PHGDH: variants seen among roughly 807,000 people sequenced by gnomAD.
The protein encoded by PHGDH is D-3-phosphoglycerate dehydrogenase.
PHGDH carries 50 observed loss-of-function variants against 52.6 expected under a neutral mutation model. That is an observed-to-expected ratio of 0.95 (90% confidence interval 0.76 to 1.20). PHGDH has a LOEUF of 1.20. Ranked by LOEUF, PHGDH falls within the 50% of genes most tolerant of loss-of-function variation. The pLI, the probability that PHGDH is intolerant of heterozygous loss-of-function variation, is 0.00. For missense variants in PHGDH, 630 were observed against 684.6 expected (o/e 0.92, Z 0.89); for synonymous variants, 271 against 280.5 (o/e 0.97, Z 0.34).
intron 1 of PHGDH, chr1:119,720,187 C>T (rs1314241694): frequency 2.6e-5 from 4 of 152,162 alleles, no homozygotes; most frequent in African/African-American, 9.7e-5. Flanking sequence ...TCTGGGTGAG[C>T]ATAAGGAAGA....
chr1:119,734,818 A>G, intron 6 of PHGDH, 52 bp downstream of exon 6: 1 of 1,598,148 alleles, frequency 6.3e-7, no homozygotes, highest in South Asian at 1.1e-5. Context: ...AGACCAGTTA[A>G]CAAATGGGCC....
At chr1:119,722,309 T>C (rs1181897549) in intron 2 of PHGDH, among the ~76,000 whole-genome samples, 2 of 152,126 alleles carry the variant, frequency 1.3e-5, no homozygotes, top group Non-Finnish European at 2.9e-5. Context: ...ATCTCTTGAC[T>C]TTTTCTTCTT....
chr1:119,733,353 T>A (rs953983414), intron 5 of PHGDH, among the ~76,000 whole-genome samples: 1 of 151,858 alleles, frequency 6.6e-6, no homozygotes, highest in Non-Finnish European at 1.5e-5. Context: ...TATTTTTTTT[T>A]TTTTTTCTGA....
chr1:119,743,013 C>A lies in PHGDH; in HGVS notation c.1416C>A (p.Thr472=). 1 of 1,613,208 alleles carries A rather than the reference C, an allele frequency of 6.2e-7. No homozygotes were observed. The highest frequency in any genetic ancestry group is 8.5e-7 in the Non-Finnish European group (1 of 1,179,082). ...DLPLLLFRTQ[T]SDPAMLPTMI... ...CCCTGCTCCTATTCCGGACTCAGAC[C>A]TCTGACCCTGCAATGCTGCCTACCA... The change falls in exon 11 of 12, where the codon ACC becomes ACA. Residue 472 remains threonine, a synonymous_variant. Transcript: ENST00000641023.
intron 10 of PHGDH, chr1:119,742,365 T>C (rs517237): frequency 0.43 from 153,249 of 355,814 alleles, 35,365 homozygotes; most frequent in East Asian, 0.57. Context: ...TCAAAGCCTG[T>C]TGCTCAGCCA....
chr1:119,743,155 C>A, intron 11 of PHGDH, 111 bp downstream of exon 11: 1 of 799,112 alleles, frequency 1.3e-6, no homozygotes. Context: ...CCCAGGGTGT[C>A]TCTGGATCTG....
At chr1:119,734,974 T>A in intron 6 of PHGDH, 1 of 648,050 alleles carries the variant, frequency 1.5e-6, no homozygotes. Context: ...CTAGGTAAGC[T>A]GGGCACAGGG....
Position 119,741,882 on chromosome 1 carries a change from A to G in PHGDH, c.1194A>G (p.Lys398=), listed in dbSNP as rs747965439. The change falls in exon 10 of 12, where the codon AAA becomes AAG. Residue 398 remains lysine, a synonymous_variant. Coordinates refer to ENST00000641023, the MANE Select transcript of PHGDH (RefSeq NM_006623.4). ...VNLVNAKLLV[K]EAGLNVTTSH... is the part of the protein sequence containing the mutation. ...TGGTGAACGCTAAGCTGCTGGTGAA[A>G]GAGGCTGGCCTCAATGTGCGCCCCT... 3.4e-5 allele frequency: 55 copies of G among 1,613,932 alleles called. No homozygotes were observed. Among genetic ancestry groups the G allele is most frequent in the Non-Finnish European group, 4.3e-5 (51 of 1,179,910 alleles).
intron 1 of PHGDH, among the ~76,000 whole-genome samples, chr1:119,718,545 C>CA (rs2101149463): frequency 6.6e-6 from 1 of 152,332 alleles, no homozygotes; most frequent in East Asian, 1.9e-4. Flanking sequence ...GTTACAGTCT[C>CA]AGAGTTAGCC....
intron 1 of PHGDH, chr1:119,719,489 G>T (rs41276626): frequency 6.6e-6 from 1 of 152,094 alleles, no homozygotes; most frequent in Non-Finnish European, 1.5e-5. Context: ...CTTCCAGGCC[G>T]CCTGCATGTT....
intron 3 of PHGDH, among the ~76,000 whole-genome samples, chr1:119,725,557 T>C (rs1490487235): frequency 3.3e-5 from 5 of 152,210 alleles, no homozygotes; most frequent in Non-Finnish European, 1.5e-5. Flanking sequence ...TTGTCCCCCA[T>C]GTGGCTTGGT....
At chr1:119,736,905 G>C (rs952290292) in intron 7 of PHGDH, among the ~76,000 whole-genome samples, 5 of 152,246 alleles carry the variant, frequency 3.3e-5, no homozygotes, top group African/African-American at 1.2e-4. Context: ...TTTGAATCTG[G>C]TTCACACTTT....
chr1:119,742,024 AG>A (rs1240781756), intron 10 of PHGDH, 127 bp downstream of exon 10: 3 of 794,930 alleles, frequency 3.8e-6, no homozygotes, highest in Non-Finnish European at 6.4e-6. Flanking sequence ...TCTACCTGTG[AG>A]GGGTAGCTGC....
intron 5 of PHGDH, among the ~76,000 whole-genome samples, chr1:119,728,885 A>G (rs988376269): frequency 1.3e-5 from 2 of 152,206 alleles, no homozygotes; most frequent in African/African-American, 4.8e-5. Context: ...GCTGCTATGG[A>G]ACTCTCCCTT....
chr1:119,723,327 G>A (rs768990669), intron 2 of PHGDH, 49 bp from the exon 3 acceptor site: 11 of 1,403,970 alleles, frequency 7.8e-6, no homozygotes, highest in Admixed American at 3.3e-5. Flanking sequence ...GAAGGAGTGG[G>A]AATACTGGGT....
intron 9 of PHGDH, 39 bp from the exon 10 acceptor site, chr1:119,741,728 A>G: frequency 6.2e-7 from 1 of 1,605,878 alleles, no homozygotes; most frequent in South Asian, 1.1e-5. Context: ...GTAGTGCTCA[A>G]CAAACAGTGA....
intron 6 of PHGDH, 45 bp downstream of exon 6, chr1:119,734,811 C>G: frequency 6.2e-7 from 1 of 1,608,206 alleles, no homozygotes; most frequent in Non-Finnish European, 8.5e-7. Flanking sequence ...AAGCCACAGA[C>G]CAGTTAACAA....
chr1:119,743,093 G>A, intron 11 of PHGDH, 49 bp downstream of exon 11: 1 of 1,207,122 alleles, frequency 8.3e-7, no homozygotes, highest in Non-Finnish European at 1.2e-6. Context: ...GCTGGGGTGG[G>A]GTCTGCCCTG....
chr1:119,738,248 G>T (rs766231034), intron 8 of PHGDH, among the ~76,000 whole-genome samples: 1 of 152,132 alleles, frequency 6.6e-6, no homozygotes, highest in South Asian at 2.1e-4. Context: ...GGTGATTTTC[G>T]CTGGTGAGGA....
Sources: allele counts gnomAD v4.1 joint callset (sites outside exome capture counted in the v4.1 genomes callset), GRCh38; gene constraint gnomAD v4.1.1; transcripts MANE v1.5; gene names NCBI Gene and HGNC (gene_info 2026-07-23, HGNC 2026-07-21).